Variants in SNX29 observed in about 807,000 individuals in gnomAD.
The protein encoded by SNX29 is sorting nexin-29.
Under a neutral mutation model 102.1 loss-of-function variants are expected in SNX29, and 78 were observed. The observed-to-expected ratio is 0.76, with a 90% CI of 0.64 to 0.92. SNX29 has a LOEUF of 0.92. SNX29 is among the 40% of genes least tolerant of loss of function. The pLI, the probability that SNX29 is intolerant of heterozygous loss-of-function variation, is 0.00. For synonymous variants in SNX29, 580 were observed against 414.5 expected (o/e 1.40, Z -4.85); for missense variants, 1,280 against 1,061.7 (o/e 1.21, Z -2.86).
intron 9 of SNX29, among the ~76,000 whole-genome samples, chr16:12,063,515 C>T (rs1458251471): frequency 6.6e-6 from 1 of 151,848 alleles, no homozygotes; most frequent in Non-Finnish European, 1.5e-5. Flanking sequence ...GCTGGGATTA[C>T]AGGCATGCAC....
rs2079124736 is a variant in SNX29 at position 12,568,939 on chromosome 16, G to C, written c.*310G>C. On this transcript the variant is annotated 3_prime_UTR_variant, in exon 21 of 21. Transcript: ENST00000566228. ...TTTCTGTAGTTCAGGGCTGGCAGGAGGGTGGGCACCAGGTCAGGCTGGGTG... is the reference window on the plus strand; with the variant it reads ...TTTCTGTAGTTCAGGGCTGGCAGGACGGTGGGCACCAGGTCAGGCTGGGTG... The C allele has an allele frequency of 2.5e-6, 1 of 404,098 alleles. No homozygotes were observed. The allele number at this position is 404,098 out of a possible 1,614,324, so 25.0% of individuals were successfully genotyped here. A position where few individuals can be genotyped will look rare whatever the true frequency, so the allele number is the denominator to read the frequency against.
chr16:12,354,839 A>G (rs2082086979), intron 15 of SNX29, among the ~76,000 whole-genome samples: 1 of 152,242 alleles, frequency 6.6e-6, no homozygotes, highest in Admixed American at 6.5e-5. Context: ...TTACATCTGT[A>G]CAAAGAAAAA....
At chr16:12,153,355 G>T (rs1662445425) in intron 13 of SNX29, among the ~76,000 whole-genome samples, 1 of 151,928 alleles carries the variant, frequency 6.6e-6, no homozygotes, top group Non-Finnish European at 1.5e-5. Flanking sequence ...TTCCATGTTG[G>T]TACCCACTCT....
chr16:12,190,543 C>G (rs1356868591), intron 13 of SNX29, among the ~76,000 whole-genome samples: 1 of 152,122 alleles, frequency 6.6e-6, no homozygotes, highest in African/African-American at 2.4e-5. Context: ...TTTGAGGAGA[C>G]ACTTGCAAAA....
At chr16:12,255,401 A>G (rs1478809983) in intron 14 of SNX29, among the ~76,000 whole-genome samples, 1 of 152,036 alleles carries the variant, frequency 6.6e-6, no homozygotes, top group Non-Finnish European at 1.5e-5. Context: ...CATATTAACC[A>G]GGCTAGTGTG....
At chr16:12,258,650 C>A (rs550011532) in intron 14 of SNX29, among the ~76,000 whole-genome samples, 1 of 152,270 alleles carries the variant, frequency 6.6e-6, no homozygotes, top group Non-Finnish European at 1.5e-5. Flanking sequence ...AATGTATATA[C>A]TGGGGCAGCA....
At chr16:12,219,375 G>C (rs780417409) in intron 14 of SNX29, among the ~76,000 whole-genome samples, 1 of 151,940 alleles carries the variant, frequency 6.6e-6, no homozygotes, top group Non-Finnish European at 1.5e-5. Context: ...TAGTCATTGA[G>C]ACACAACCTT....
chr16:12,568,106 C>T (rs12933590), intron 20 of SNX29, among the ~76,000 whole-genome samples: 11 of 152,304 alleles, frequency 7.2e-5, no homozygotes, highest in East Asian at 1.9e-4. Flanking sequence ...TGCTACGCAT[C>T]TTGTGTGGCT....
At chr16:12,158,448 C>T (rs1021043058) in intron 13 of SNX29, among the ~76,000 whole-genome samples, 13 of 152,182 alleles carry the variant, frequency 8.5e-5, no homozygotes, top group Non-Finnish European at 1.9e-4. Flanking sequence ...GATCCACCCA[C>T]CTCGGCCTCC....
intron 1 of SNX29, among the ~76,000 whole-genome samples, chr16:11,978,865 C>T (rs1183540121): frequency 6.6e-6 from 1 of 151,914 alleles, no homozygotes; most frequent in Non-Finnish European, 1.5e-5. Context: ...CCAGAGGTTG[C>T]AGTGAGCCAA....
At position 12,371,712 on chromosome 16, in the gene SNX29, A is replaced by G. The variant is rs368987795; in HGVS notation, c.1899+15433A>G. On this transcript the variant is annotated intron_variant, in intron 16 of 20. Coordinates refer to ENST00000566228, the MANE Select transcript of SNX29 (RefSeq NM_032167.5). ...GTGGGCCTCCTGTGGGAATCGCCAC[A>G]CTGTCCTGTTAGAGCAAAGCTTGCA... is the stretch of plus-strand genomic sequence containing the variant. Among the ~76,000 whole-genome samples, 18 of 152,330 alleles carry G rather than the reference A, an allele frequency of 1.2e-4. No individual in the cohort carries two copies. In the East Asian group the frequency reaches 2.9e-3, roughly 24 times the overall value.
intron 20 of SNX29, among the ~76,000 whole-genome samples, chr16:12,559,874 G>A (rs756063623): frequency 2.6e-5 from 4 of 152,146 alleles, no homozygotes; most frequent in African/African-American, 4.8e-5. Context: ...CCAGATTTCA[G>A]AGGCTGAGGC....
chr16:12,315,490 C>G (rs549118340), intron 15 of SNX29, among the ~76,000 whole-genome samples: 40 of 152,238 alleles, frequency 2.6e-4, no homozygotes, highest in African/African-American at 9.4e-4. Flanking sequence ...TATTGAATCC[C>G]TAACCCCCAG....
intron 18 of SNX29, among the ~76,000 whole-genome samples, chr16:12,471,003 T>C (rs1476824355): frequency 2.6e-5 from 4 of 152,272 alleles, no homozygotes; most frequent in Non-Finnish European, 5.9e-5. Flanking sequence ...CCGAAAAGGA[T>C]AACTGTGGGG....
At chr16:12,328,478 C>A (rs922770233) in intron 15 of SNX29, among the ~76,000 whole-genome samples, 10 of 152,198 alleles carry the variant, frequency 6.6e-5, no homozygotes, top group African/African-American at 2.4e-4. Context: ...CAGGCTATGA[C>A]CTCTGCCCCA....
chr16:12,096,439 C>T lies in SNX29; in HGVS notation c.1402+17524C>T, dbSNP rs60512738. On this transcript the variant is annotated intron_variant, in intron 11 of 20. Coordinates refer to ENST00000566228, the MANE Select transcript of SNX29 (RefSeq NM_032167.5). This position sits in a 1 kb window ranked among gnomAD's most constrained non-coding sequence, Gnocchi z 4.2. Reference sequence around the variant, plus strand: ...GCTCTGTGTCACATGTTAAAATTTCCCCATCATTATAATGCAGATTTAAGA... The same window carrying T: ...GCTCTGTGTCACATGTTAAAATTTCTCCATCATTATAATGCAGATTTAAGA... Among the ~76,000 whole-genome samples, 27,481 of 152,178 alleles carry T rather than the reference C, an allele frequency of 0.18. 3,087 individuals are homozygous for T. The highest frequency in any genetic ancestry group is 0.38 in the East Asian group (1,989 of 5,172).
intron 13 of SNX29, among the ~76,000 whole-genome samples, chr16:12,186,182 A>G (rs908723501): frequency 6.6e-6 from 1 of 152,116 alleles, no homozygotes; most frequent in Admixed American, 6.5e-5. Flanking sequence ...AAATCTATAT[A>G]TATATTTGTT....
intron 19 of SNX29, among the ~76,000 whole-genome samples, chr16:12,504,623 A>G (rs758350755): frequency 3.9e-5 from 6 of 152,252 alleles, no homozygotes; most frequent in Non-Finnish European, 8.8e-5. Context: ...TACCCACAGT[A>G]CAGTACAGTA....
intron 18 of SNX29, among the ~76,000 whole-genome samples, chr16:12,453,186 G>A (rs1259117716): frequency 1.3e-5 from 2 of 152,136 alleles, no homozygotes; most frequent in South Asian, 2.1e-4. Context: ...TACATATATG[G>A]CTCTCATGCC....
Sources: allele counts gnomAD v4.1 joint callset (sites outside exome capture counted in the v4.1 genomes callset), GRCh38; gene constraint gnomAD v4.1.1; non-coding constraint Gnocchi (gnomAD v3.1); transcripts MANE v1.5; gene names NCBI Gene and HGNC (gene_info 2026-07-23, HGNC 2026-07-21).